The following PRRC2C variants were observed in gnomAD, a reference collection of about 807,000 sequenced individuals.
PRRC2C encodes the protein proline rich coiled-coil 2C.
PRRC2C carries 72 observed loss-of-function variants against 317.2 expected under a neutral mutation model. That is an observed-to-expected ratio of 0.23 (90% CI 0.19 to 0.28). The LOEUF (loss-of-function observed/expected upper bound fraction) is 0.28, where lower values mean the gene tolerates loss of function less well. Among genes scored for constraint, PRRC2C ranks in the 10% least tolerant of loss-of-function variants. PRRC2C has a pLI of 1.00. For synonymous variants in PRRC2C, 1,296 were observed against 1,205.9 expected, an observed-to-expected ratio of 1.07 and a Z score of -1.55; for missense variants, 3,074 against 3,459.7, an observed-to-expected ratio of 0.89 and a Z score of 2.80.
intron 32 of PRRC2C, 57 bp from the exon 33 acceptor site, chr1:171,588,322 C>A: frequency 6.4e-7 from 1 of 1,569,020 alleles, no homozygotes; most frequent in South Asian, 1.2e-5. Flanking sequence ...TTGCAAAAAT[C>A]TAACAGCATT....
At chr1:171,497,964 G>A (rs1410120016) in intron 1 of PRRC2C, among the ~76,000 whole-genome samples, 1 of 145,194 alleles carries the variant, frequency 6.9e-6, no homozygotes, top group East Asian at 2.0e-4. Context: ...ACAGGCATGA[G>A]CCACCATACC....
intron 7 of PRRC2C, among the ~76,000 whole-genome samples, chr1:171,522,762 A>G (rs1167438648): frequency 6.6e-6 from 1 of 152,200 alleles, no homozygotes; most frequent in African/African-American, 2.4e-5. Flanking sequence ...CGACAGAGCA[A>G]GACTCCGTCT....
intron 18 of PRRC2C, 60 bp downstream of exon 18, chr1:171,550,300 G>A: frequency 7.0e-7 from 1 of 1,425,818 alleles, no homozygotes. Flanking sequence ...AAGTGTATCA[G>A]CAAATGTTCA....
At chr1:171,585,185 A>G (rs1246792097) in intron 30 of PRRC2C, among the ~76,000 whole-genome samples, 2 of 152,156 alleles carry the variant, frequency 1.3e-5, no homozygotes, top group African/African-American at 4.8e-5. Flanking sequence ...AAAACCTTGA[A>G]AACCATTGTC....
rs759822805 is a variant in PRRC2C at position 171,557,688 on chromosome 1, C to T, written c.5576C>T (p.Ala1859Val). 6.4e-7 allele frequency: 1 copy of T among 1,551,558 alleles called. No individual in the cohort carries two copies. The highest frequency in any genetic ancestry group is 2.0e-5 in the Admixed American group (1 of 50,974). The stretch of plus-strand genomic sequence containing the variant: ...ACCCCAGCTTCTGTCACCATTCTTG[C>T]CTCAGCCTCAATTCCCATTCTTGCT... ...VSTPASVTIL[A>V]SASIPILASA... Residue 1859 changes from alanine (A) to valine (V), a missense_variant, in exon 19 of 35, where the codon GCC becomes GTC. Coordinates refer to ENST00000647382, the MANE Select transcript of PRRC2C (RefSeq NM_001387844.1).
chr1:171,496,944 T>C (rs1340301340), intron 1 of PRRC2C, among the ~76,000 whole-genome samples: 1 of 151,908 alleles, frequency 6.6e-6, no homozygotes, highest in Non-Finnish European at 1.5e-5. Flanking sequence ...ACCACACGCA[T>C]GTGCCACCAC....
Position 171,587,130 on chromosome 1 carries a change from AGAGTCT to A in PRRC2C, c.7883_7888del (p.Leu2628_Ser2629del), listed in dbSNP as rs1215377470. ...CATACCACTCCCCAAGCACAGGCTC[AGAGTCT>A]GAGTCGTCCTGCACAAGTAAGCCAG... On this transcript the variant is annotated inframe_deletion, in exon 31 of 35. Coordinates refer to ENST00000647382, the MANE Select transcript of PRRC2C (RefSeq NM_001387844.1). 2.5e-6 allele frequency: 4 copies of A among 1,611,148 alleles called. No homozygotes were observed. The African/African-American group carries it at 5.3e-5, about 22-fold the overall frequency.
chr1:171,568,184 AG>A, intron 22 of PRRC2C, 62 bp from the exon 23 acceptor site: 1 of 1,498,328 alleles, frequency 6.7e-7, no homozygotes, highest in Non-Finnish European at 9.0e-7. Context: ...CTCAAAAAAA[AG>A]AGGAAGAAGT....
At chr1:171,518,314 G>A (rs1249342788) in intron 6 of PRRC2C, among the ~76,000 whole-genome samples, 2 of 151,876 alleles carry the variant, frequency 1.3e-5, no homozygotes, top group African/African-American at 2.4e-5. Context: ...CAATATTTTT[G>A]TATTTTACAT....
intron 1 of PRRC2C, among the ~76,000 whole-genome samples, chr1:171,488,284 C>T (rs1014212131): frequency 1.3e-5 from 2 of 152,228 alleles, no homozygotes; most frequent in African/African-American, 4.8e-5. Flanking sequence ...TTATGACACA[C>T]TTTCATTTCG....
rs556943246 is a variant in PRRC2C, at chr1:171,565,309, T to G, written c.6118-924T>G. Among the ~76,000 whole-genome samples, 5 of 152,354 alleles carry G rather than the reference T, an allele frequency of 3.3e-5. No individual in the cohort carries two copies. The South Asian group carries it at 1.0e-3, about 32-fold the overall frequency. On this transcript the variant is annotated intron_variant, in intron 20 of 34. Coordinates refer to ENST00000647382, the MANE Select transcript of PRRC2C (RefSeq NM_001387844.1). ...GTCTACCAGTCTAGTAGCTGGTCTC[T>G]TAACCCTATTTTGCTTTTGCAGATT...
In PRRC2C at chr1:171,532,958, A is replaced by G. The variant is rs941242234; in HGVS notation, c.1870A>G (p.Lys624Glu). ...ACAAGAAAGTGAAAACAGCTGTAAT[A>G]AAGGTTTGATAGTATTCTTCATTCT... ...EKQESENSCN[K>E]EEEPVFTRQD... Residue 624 changes from lysine to glutamate, a missense_variant, in exon 12 of 35, where the codon AAA (lysine) becomes GAA (glutamate). Coordinates refer to ENST00000647382, the MANE Select transcript of PRRC2C (RefSeq NM_001387844.1). The G allele has an allele frequency of 1.9e-6, 3 of 1,547,018 alleles. No homozygotes were observed. Among genetic ancestry groups the G allele is most frequent in the African/African-American group, 2.8e-5 (2 of 71,902 alleles).
At chr1:171,533,374 A>G (rs1451784384) in intron 12 of PRRC2C, among the ~76,000 whole-genome samples, 5 of 152,240 alleles carry the variant, frequency 3.3e-5, no homozygotes, top group Non-Finnish European at 7.3e-5. Context: ...CACCTAGTTC[A>G]TAATTTCAGG....
intron 1 of PRRC2C, among the ~76,000 whole-genome samples, chr1:171,486,528 A>G (rs535059652): frequency 5.9e-5 from 9 of 152,220 alleles, no homozygotes; most frequent in African/African-American, 2.2e-4. Context: ...GCATGAGAGG[A>G]GTACCTTTAA....
intron 15 of PRRC2C, 126 bp from the exon 16 acceptor site, chr1:171,539,845 C>T (rs913639640): frequency 3.1e-5 from 27 of 859,916 alleles, no homozygotes; most frequent in East Asian, 2.2e-4. Flanking sequence ...TTTTATATAG[C>T]GAGAGAAAGA....
At chr1:171,575,801 C>T (rs1685606454) in intron 25 of PRRC2C, among the ~76,000 whole-genome samples, 1 of 152,110 alleles carries the variant, frequency 6.6e-6, no homozygotes, top group Admixed American at 6.5e-5. Flanking sequence ...TATGTAGAAC[C>T]AAGTTTCTTC....
chr1:171,529,740 C>T (rs1675419614), intron 11 of PRRC2C, among the ~76,000 whole-genome samples: 1 of 152,216 alleles, frequency 6.6e-6, no homozygotes, highest in Admixed American at 6.5e-5. Context: ...AGGTCCGTTA[C>T]TCCTTGTTCA....
At chr1:171,497,157 T>C (rs147854308) in intron 1 of PRRC2C, among the ~76,000 whole-genome samples, 3 of 152,336 alleles carry the variant, frequency 2.0e-5, no homozygotes, top group Non-Finnish European at 2.9e-5. Context: ...GATATCTTAT[T>C]CTATATTGTA....
chr1:171,571,282 C>A, intron 23 of PRRC2C, 38 bp from the exon 24 acceptor site: 1 of 1,236,820 alleles, frequency 8.1e-7, no homozygotes, highest in Non-Finnish European at 1.2e-6. Flanking sequence ...GTAGTAGACA[C>A]ATAGTTAGAT....
Sources: allele counts gnomAD v4.1 joint callset (sites outside exome capture counted in the v4.1 genomes callset), GRCh38; gene constraint gnomAD v4.1.1; transcripts MANE v1.5; gene names NCBI Gene and HGNC (gene_info 2026-07-23, HGNC 2026-07-21).